PFKFB4: variants seen among roughly 807,000 people sequenced by gnomAD.
PFKFB4 encodes 6-phosphofructo-2-kinase/fructose-2,6-biphosphatase 4, also known as 6-phosphofructo-2-kinase/fructose-2,6-bisphosphatase 4.
In PFKFB4, 42 loss-of-function variants were observed where a neutral mutation model predicts 62.8. That is an observed-to-expected ratio of 0.67 (90% confidence interval 0.52 to 0.86). The LOEUF is 0.86. PFKFB4 is among the 40% of genes least tolerant of loss of function. PFKFB4 has a pLI of 0.00. For synonymous variants in PFKFB4, 204 were observed against 240.7 expected, an observed-to-expected ratio of 0.85 and a Z score of 1.41; for missense variants, 475 against 627.2, an observed-to-expected ratio of 0.76 and a Z score of 2.59.
chr3:48,535,039 C>T (rs1463020668), intron 9 of PFKFB4, among the ~76,000 whole-genome samples: 1 of 152,106 alleles, frequency 6.6e-6, no homozygotes, highest in African/African-American at 2.4e-5. Context: ...AAACTCCTGA[C>T]TTGAGGTGAT....
chr3:48,524,214 A>G (rs1487840822), intron 10 of PFKFB4, among the ~76,000 whole-genome samples: 1 of 152,218 alleles, frequency 6.6e-6, no homozygotes, highest in Admixed American at 6.5e-5. Context: ...GAAGGGGAAG[A>G]GAGCAAAGAC....
chr3:48,517,788 C>T lies in PFKFB4; in HGVS notation c.*1959G>A, dbSNP rs1018766042. On this transcript the variant is annotated 3_prime_UTR_variant, in exon 14 of 14. Coordinates refer to ENST00000232375, the MANE Select transcript of PFKFB4 (RefSeq NM_004567.4). ...GGGGAACTCGGGAAAATATCTGCAA[C>T]ATGGGCACGCCAGCCAGCATGGCCG... 1 of 152,750 alleles carries T rather than the reference C, an allele frequency of 6.5e-6. No homozygotes were observed. Among genetic ancestry groups the T allele is most frequent in the Admixed American group, 6.5e-5 (1 of 15,286 alleles). The allele number at this position is 152,750 out of a possible 1,614,324, so 9.5% of individuals were successfully genotyped here. A position where few individuals can be genotyped will look rare whatever the true frequency, so the allele number is the denominator to read the frequency against.
intron 12 of PFKFB4, among the ~76,000 whole-genome samples, chr3:48,522,756 C>T (rs2042135895): frequency 6.6e-6 from 1 of 151,520 alleles, no homozygotes; most frequent in Non-Finnish European, 1.5e-5. Flanking sequence ...AACTTTTTCA[C>T]AACAAACTTT....
At chr3:48,555,144 A>T (rs1400638644) in intron 1 of PFKFB4, among the ~76,000 whole-genome samples, 1 of 151,886 alleles carries the variant, frequency 6.6e-6, no homozygotes, top group Non-Finnish European at 1.5e-5. Context: ...CACAGCCCTA[A>T]TAACACAGAC....
rs1212844977 is a variant in PFKFB4 at position 48,518,299 on chromosome 3, C to T, written c.*1448G>A. The stretch of plus-strand genomic sequence containing the variant: ...GCCAGGGCCAGGGACGCTAACTTCT[C>T]TCAGGGACAGGTGGCATCTGCAGGC... On this transcript the variant is annotated 3_prime_UTR_variant, in exon 14 of 14. Transcript: ENST00000232375. 1 of 152,574 alleles carries T rather than the reference C, an allele frequency of 6.6e-6. No individual in the cohort carries two copies. Among genetic ancestry groups the T allele is most frequent in the East Asian group, 1.9e-4 (1 of 5,198 alleles). The allele number at this position is 152,574 out of a possible 1,614,324, so 9.5% of individuals were successfully genotyped here. A position where few individuals can be genotyped will look rare whatever the true frequency, so the allele number is the denominator to read the frequency against.
At chr3:48,523,509 A>T in intron 12 of PFKFB4, 28 bp downstream of exon 12, 1 of 1,604,710 alleles carries the variant, frequency 6.2e-7, no homozygotes, top group Non-Finnish European at 8.5e-7. Context: ...ATGGCTACCC[A>T]TGGTCAATGT....
intron 9 of PFKFB4, among the ~76,000 whole-genome samples, chr3:48,531,400 G>A (rs1030091335): frequency 1.3e-5 from 2 of 151,522 alleles, no homozygotes; most frequent in East Asian, 3.9e-4. Context: ...GGGAGGCTGA[G>A]GCAAGAGAAT....
intron 2 of PFKFB4, 67 bp from the exon 3 acceptor site, chr3:48,550,027 AC>A: frequency 1.4e-6 from 2 of 1,427,032 alleles, no homozygotes; most frequent in Non-Finnish European, 2.0e-6. Context: ...CCTTGACCCA[AC>A]CCCAGGCCAA....
chr3:48,536,461 TC>T lies in PFKFB4; in HGVS notation c.634del (p.Asp212ThrfsTer16), dbSNP rs754534945. The T allele has an allele frequency of 6.2e-7, 1 of 1,602,870 alleles. No individual in the cohort carries two copies. The highest frequency in any genetic ancestry group is 8.5e-7 in the Non-Finnish European group (1 of 1,170,316). On this transcript the variant is annotated frameshift_variant and splice_region_variant, in exon 8 of 14. Transcript: ENST00000232375. LOFTEE classifies it high-confidence loss of function. ...ATCCATGATCTTGATATAGGACAGG[TC>T]CCTGTCCAGAGAGAAAGTAGAAAGA... ...YESLDEDLDR[D>X]LSYIKIMDVG...
intron 3 of PFKFB4, among the ~76,000 whole-genome samples, chr3:48,545,638 T>G (rs2042939056): frequency 6.7e-6 from 1 of 149,512 alleles, no homozygotes; most frequent in Non-Finnish European, 1.5e-5. Flanking sequence ...TTTCTTTTGT[T>G]TTTTTTTTTT....
chr3:48,537,589 C>T (rs1310787099), intron 7 of PFKFB4, among the ~76,000 whole-genome samples: 1 of 139,214 alleles, frequency 7.2e-6, no homozygotes, highest in Non-Finnish European at 1.5e-5. Flanking sequence ...AGTGGTGCAA[C>T]TGCAACTCAC....
chr3:48,543,773 C>G (rs1051434082), intron 3 of PFKFB4, 127 bp from the exon 4 acceptor site: 27 of 721,416 alleles, frequency 3.7e-5, no homozygotes, highest in Middle Eastern at 2.3e-4. Context: ...GCTCTCTTTT[C>G]AAAGTTTCCC....
At chr3:48,561,213 C>A, upstream of PFKFB4, 1 of 589,232 alleles carries the variant, frequency 1.7e-6, no homozygotes, top group Non-Finnish European at 2.5e-6. This position sits in a 1 kb window ranked among gnomAD's most constrained non-coding sequence, Gnocchi z 5.2. Flanking sequence ...TCCTGCGGCT[C>A]CTGCAGCCCC....
At chr3:48,560,933 T>C, upstream of PFKFB4, 2 of 273,380 alleles carry the variant, frequency 7.3e-6, no homozygotes, top group Non-Finnish European at 1.2e-5. Flanking sequence ...TGAATGGCCC[T>C]CAGAGCACCC....
Position 48,521,992 on chromosome 3 carries a change from C to T in PFKFB4, c.1344G>A (p.Arg448=), listed in dbSNP as rs1231371892. The T allele has an allele frequency of 6.2e-7, 1 of 1,613,998 alleles. No individual in the cohort carries two copies. The highest frequency in any genetic ancestry group is 8.5e-7 in the Non-Finnish European group (1 of 1,179,854). The change falls in exon 13 of 14, where the codon AGG becomes AGA. Residue 448 remains arginine, a synonymous_variant. Transcript: ENST00000232375. This position sits in a 1 kb window ranked among gnomAD's most constrained non-coding sequence, Gnocchi z 5.3. ...GCAGTGACCCCATTGCTACCTGAGG[C>T]CTGTCCCGGTGCGTGTTCACAGCAG... The part of the protein sequence containing the change: ...NVAAVNTHRD[R]PQNVDISRPP...
intron 9 of PFKFB4, among the ~76,000 whole-genome samples, chr3:48,533,230 TG>T (rs2042483998): frequency 6.6e-6 from 1 of 152,080 alleles, no homozygotes; most frequent in Admixed American, 6.6e-5. Context: ...TATTGTTCAG[TG>T]GGTACAGAGT....
upstream of PFKFB4, chr3:48,559,389 G>C (rs772003733): frequency 4.1e-4 from 160 of 391,858 alleles, no homozygotes; most frequent in Non-Finnish European, 7.4e-4. Context: ...GTCAGGAAGA[G>C]GGAGAAGGGT....
chr3:48,531,432 A>C (rs974206678), intron 9 of PFKFB4, among the ~76,000 whole-genome samples: 1 of 147,264 alleles, frequency 6.8e-6, no homozygotes, highest in Non-Finnish European at 1.5e-5. Flanking sequence ...GGGAAGCAGA[A>C]ATTTTTTTTT....
chr3:48,544,008 T>TTTTA (rs1166254427), intron 3 of PFKFB4, among the ~76,000 whole-genome samples: 19 of 81,622 alleles, frequency 2.3e-4, no homozygotes, highest in African/African-American at 6.2e-4. Flanking sequence ...CCCGCCCGCC[T>TTTTA]TTTATTTATT....
Sources: gnomAD v4.1 joint callset for allele counts (sites outside exome capture counted in the v4.1 genomes callset) on GRCh38, gnomAD v4.1.1 for gene constraint, Gnocchi (gnomAD v3.1) non-coding constraint, MANE v1.5 for transcripts, NCBI Gene and HGNC (gene_info 2026-07-23, HGNC 2026-07-21) for gene names.